The following KIAA1958 variants were observed in gnomAD, a reference collection of about 807,000 sequenced individuals.
KIAA1958 encodes the protein uncharacterized protein KIAA1958.
A neutral mutation model predicts 47.2 loss-of-function variants in KIAA1958; 14 were observed. The ratio of observed to expected loss-of-function variants is 0.30; its 90% CI spans 0.20 to 0.46. The LOEUF (loss-of-function observed/expected upper bound fraction) is 0.46. KIAA1958 is among the 20% of genes least tolerant of loss of function. The probability of loss-of-function intolerance (pLI) is 1.00; values close to 1 mark genes in which losing one functional copy is unlikely to be tolerated. For missense variants in KIAA1958, 803 were observed against 909.2 expected, an observed-to-expected ratio of 0.88 and a Z score of 1.50; for synonymous variants, 354 against 353.3, an observed-to-expected ratio of 1.00 and a Z score of -0.02.
chr9:112,575,325 C>G (rs1047340453), intron 2 of KIAA1958, 74 bp downstream of exon 2: 5 of 1,005,360 alleles, frequency 5.0e-6, no homozygotes, highest in Admixed American at 2.5e-5. Flanking sequence ...ACTTCTAAAA[C>G]CATTCACTCA....
At position 112,623,992 on chromosome 9, in the gene KIAA1958, AT is replaced by A. The variant is rs1446362175; in HGVS notation, c.1172-21654del. Among the ~76,000 whole-genome samples the A allele has an allele frequency of 3.3e-5, 5 of 152,308 alleles. No homozygotes were observed. The East Asian group carries it at 7.7e-4, about 24-fold the overall frequency. On this transcript the variant is annotated intron_variant, in intron 2 of 3. Transcript: ENST00000337530. ...TTTTCTTTATCTATAGGAAAGGTATATTTTGATCCTTATTTCTCTAGCCAAA... is the reference window on the plus strand; with the variant it reads ...TTTTCTTTATCTATAGGAAAGGTATATTTGATCCTTATTTCTCTAGCCAAA...
At chr9:112,501,304 A>C (rs762982230) in intron 1 of KIAA1958, among the ~76,000 whole-genome samples, 1 of 152,190 alleles carries the variant, frequency 6.6e-6, no homozygotes, top group South Asian at 2.1e-4. Flanking sequence ...TTAATCAGGC[A>C]TGATGGCTCA....
intron 1 of KIAA1958, among the ~76,000 whole-genome samples, chr9:112,503,999 C>T (rs148909439): frequency 5.3e-4 from 81 of 151,554 alleles, no homozygotes; most frequent in African/African-American, 1.7e-3. Context: ...TAATTAAAAA[C>T]GAAGTATTTT....
chr9:112,606,126 C>T (rs1007470533), intron 2 of KIAA1958, among the ~76,000 whole-genome samples: 1 of 152,070 alleles, frequency 6.6e-6, no homozygotes, highest in African/African-American at 2.4e-5. Flanking sequence ...TTAGGTGTAG[C>T]AGAAAGGGAG....
intron 1 of KIAA1958, 83 bp downstream of exon 1, chr9:112,487,201 G>A (rs1833872228): frequency 1.7e-5 from 3 of 180,106 alleles, no homozygotes; most frequent in Non-Finnish European, 3.5e-5. Context: ...GTGGGGGGCG[G>A]CCGCGCCGGG....
intron 1 of KIAA1958, among the ~76,000 whole-genome samples, chr9:112,507,353 T>G (rs1478524162): frequency 6.6e-6 from 1 of 152,140 alleles, no homozygotes; most frequent in African/African-American, 2.4e-5. Context: ...TGTTTTTTGT[T>G]TTTGTTTCTT....
At chr9:112,498,579 C>T (rs981014681) in intron 1 of KIAA1958, among the ~76,000 whole-genome samples, 1 of 152,100 alleles carries the variant, frequency 6.6e-6, no homozygotes, top group Non-Finnish European at 1.5e-5. Flanking sequence ...ATATAACTTC[C>T]ATAAAATGCA....
intron 2 of KIAA1958, chr9:112,582,519 A>C (rs1462276544): frequency 6.5e-6 from 1 of 154,380 alleles, no homozygotes; most frequent in Non-Finnish European, 1.5e-5. Flanking sequence ...TCAGGGAAAC[A>C]TAGACATCTC....
intron 2 of KIAA1958, among the ~76,000 whole-genome samples, chr9:112,623,039 C>T (rs1836538611): frequency 6.6e-6 from 1 of 152,128 alleles, no homozygotes; most frequent in Non-Finnish European, 1.5e-5. Context: ...GCAATTTATC[C>T]ATTATTTATT....
At chr9:112,490,936 T>G (rs890029914) in intron 1 of KIAA1958, among the ~76,000 whole-genome samples, 1 of 152,198 alleles carries the variant, frequency 6.6e-6, no homozygotes, top group African/African-American at 2.4e-5. Context: ...ACATTATGTA[T>G]CAAAAGAAAT....
chr9:112,552,947 G>A (rs1835178026), intron 1 of KIAA1958, among the ~76,000 whole-genome samples: 1 of 152,114 alleles, frequency 6.6e-6, no homozygotes, highest in African/African-American at 2.4e-5. Context: ...GGGGAGCACT[G>A]AGCCTGGTGC....
At chr9:112,569,219 T>C (rs1835487736) in intron 1 of KIAA1958, among the ~76,000 whole-genome samples, 1 of 152,234 alleles carries the variant, frequency 6.6e-6, no homozygotes, top group Non-Finnish European at 1.5e-5. Flanking sequence ...GCCTATTAAA[T>C]TTCCCCGTTT....
At chr9:112,583,902 TA>T (rs1835779303) in intron 2 of KIAA1958, among the ~76,000 whole-genome samples, 1 of 152,138 alleles carries the variant, frequency 6.6e-6, no homozygotes, top group Non-Finnish European at 1.5e-5. Context: ...ACGTATGTAA[TA>T]TATATAGCAA....
At chr9:112,654,566 C>A (rs1257308385) in intron 3 of KIAA1958, among the ~76,000 whole-genome samples, 69 of 151,998 alleles carry the variant, frequency 4.5e-4, no homozygotes, top group Non-Finnish European at 1.3e-4. Flanking sequence ...GGAGTCCGCT[C>A]GTTCTGATAT....
chr9:112,569,823 C>G (rs1168663574), intron 1 of KIAA1958, among the ~76,000 whole-genome samples: 2 of 152,006 alleles, frequency 1.3e-5, no homozygotes, highest in East Asian at 3.9e-4. Context: ...AGGATTTCAC[C>G]ACATTGGCCA....
intron 2 of KIAA1958, among the ~76,000 whole-genome samples, chr9:112,608,964 C>T (rs1177197109): frequency 6.6e-6 from 1 of 152,118 alleles, no homozygotes; most frequent in East Asian, 1.9e-4. Flanking sequence ...AGAATATAAA[C>T]TGGAAAAAGT....
At chr9:112,656,230 C>A (rs763835372) in intron 3 of KIAA1958, among the ~76,000 whole-genome samples, 4 of 151,836 alleles carry the variant, frequency 2.6e-5, no homozygotes, top group Non-Finnish European at 5.9e-5. Flanking sequence ...AAAAATTAGC[C>A]GGGTGTGGTG....
intron 3 of KIAA1958, among the ~76,000 whole-genome samples, chr9:112,646,593 G>C (rs1467827796): frequency 6.6e-6 from 1 of 152,110 alleles, no homozygotes; most frequent in Non-Finnish European, 1.5e-5. Context: ...TGAAAGCCAG[G>C]GGTACTGGCA....
At chr9:112,621,775 G>A (rs764977050) in intron 2 of KIAA1958, among the ~76,000 whole-genome samples, 2 of 152,148 alleles carry the variant, frequency 1.3e-5, no homozygotes, top group Non-Finnish European at 2.9e-5. Context: ...CAGAGACAGG[G>A]TCTTGCTCTG....
Sources: allele counts gnomAD v4.1 joint callset (sites outside exome capture counted in the v4.1 genomes callset), GRCh38; gene constraint gnomAD v4.1.1; transcripts MANE v1.5; gene names NCBI Gene and HGNC (gene_info 2026-07-23, HGNC 2026-07-21).